HDAC1: variants seen among roughly 807,000 people sequenced by gnomAD.
HDAC1 encodes the protein protein deacetylase HDAC1.
In HDAC1, 18 loss-of-function variants were observed where a neutral mutation model predicts 65.5. That is an observed-to-expected ratio of 0.27 (90% CI 0.19 to 0.41). HDAC1 has a LOEUF of 0.41. HDAC1 is among the 10% of genes least tolerant of loss of function. HDAC1 has a pLI of 1.00. For missense variants in HDAC1, 373 were observed against 625.2 expected, an observed-to-expected ratio of 0.60 and a Z score of 4.30; for synonymous variants, 211 against 227.9, an observed-to-expected ratio of 0.93 and a Z score of 0.67.
At position 32,331,922 on chromosome 1, in the gene HDAC1, C is replaced by T. The variant is rs1237780488; in HGVS notation, c.1219+116C>T. On this transcript the variant is annotated intron_variant, in intron 11 of 13. Coordinates refer to ENST00000373548, the MANE Select transcript of HDAC1 (RefSeq NM_004964.3). The surrounding 1 kb of genome is among the most constrained non-coding windows in gnomAD (Gnocchi z 4.2). Reference sequence around the variant, plus strand: ...CCCCACCTGTAGAGAAATCTGTTTTCGAGTTCCAGTGCCTGTAGGAACAGG... The same window carrying T: ...CCCCACCTGTAGAGAAATCTGTTTTTGAGTTCCAGTGCCTGTAGGAACAGG... 12 of 1,442,442 alleles carry T rather than the reference C, an allele frequency of 8.3e-6. No individual in the cohort carries two copies. Among genetic ancestry groups the T allele is most frequent in the African/African-American group, 2.9e-5 (2 of 70,050 alleles). 89.4% of individuals were successfully genotyped at this position (1,442,442 alleles called of 1,614,324 possible).
chr1:32,326,800 G>A, intron 4 of HDAC1, 139 bp from the exon 5 acceptor site: 2 of 771,756 alleles, frequency 2.6e-6, no homozygotes, highest in East Asian at 2.6e-5. Context: ...TAGGGTGGGA[G>A]GGAGGGGACT....
At position 32,331,446 on chromosome 1, in the gene HDAC1, TGAC is replaced by T. The variant is rs758301084; in HGVS notation, c.980-26_980-24del. ...GTTAGGGTGCGGTGGCCAGGTCTCT[TGAC>T]GGTCTTCTCTCCTGCCCCAATCAGA... On this transcript the variant is annotated intron_variant, in intron 9 of 13. Coordinates refer to ENST00000373548, the MANE Select transcript of HDAC1 (RefSeq NM_004964.3). This position sits in a 1 kb window ranked among gnomAD's most constrained non-coding sequence, Gnocchi z 4.2. 5.1e-6 allele frequency: 7 copies of T among 1,369,000 alleles called. No homozygotes were observed. The highest frequency in any genetic ancestry group is 7.3e-6 in the Non-Finnish European group (7 of 956,570). 84.8% of individuals were successfully genotyped at this position (1,369,000 alleles called of 1,614,324 possible).
rs1557612848 is a variant in HDAC1, at chr1:32,330,548, GT to G, written c.730-28del. ...CCAAACCTCGTATTGCTTTCTTGAGGTTGGTGGTGACCAGGATGTATCATTT... is the reference window on the plus strand; with the variant it reads ...CCAAACCTCGTATTGCTTTCTTGAGGTGGTGGTGACCAGGATGTATCATTT... On this transcript the variant is annotated intron_variant, in intron 7 of 13. Coordinates refer to ENST00000373548, the MANE Select transcript of HDAC1 (RefSeq NM_004964.3). This position sits in a 1 kb window ranked among gnomAD's most constrained non-coding sequence, Gnocchi z 4.2. The G allele has an allele frequency of 6.7e-7, 1 of 1,487,626 alleles. No homozygotes were observed. The highest frequency in any genetic ancestry group is 2.3e-5 in the East Asian group (1 of 44,278). 92.2% of individuals were successfully genotyped at this position (1,487,626 alleles called of 1,614,324 possible).
chr1:32,323,131 T>C (rs1641170519), intron 3 of HDAC1, among the ~76,000 whole-genome samples: 1 of 151,906 alleles, frequency 6.6e-6, no homozygotes, highest in African/African-American at 2.4e-5. Context: ...TGAAACCCCG[T>C]CTCTACTAAG....
At chr1:32,326,658 T>A (rs75550929) in intron 4 of HDAC1, among the ~76,000 whole-genome samples, 6,994 of 147,968 alleles carry the variant, frequency 0.047, 379 homozygotes, top group African/African-American at 0.15. Context: ...ATTAAAAAAA[T>A]ATATATATAT....
Position 32,331,046 on chromosome 1 carries a change from CTT to C in HDAC1, c.979+139_979+140del. ...AGTCACTGAGTCTCCTGCCTGTCCT[CTT>C]GTGATCAGCAGACCATAACCATCAC... On this transcript the variant is annotated intron_variant, in intron 9 of 13. Coordinates refer to ENST00000373548, the MANE Select transcript of HDAC1 (RefSeq NM_004964.3). The surrounding 1 kb of genome is among the most constrained non-coding windows in gnomAD (Gnocchi z 4.2). The C allele has an allele frequency of 1.3e-6, 1 of 749,002 alleles. No individual in the cohort carries two copies. Among genetic ancestry groups the C allele is most frequent in the Non-Finnish European group, 2.2e-6 (1 of 444,974 alleles). 46.4% of individuals were successfully genotyped at this position (749,002 alleles called of 1,614,324 possible). A position where few individuals can be genotyped will look rare whatever the true frequency, so the allele number is the denominator to read the frequency against.
chr1:32,325,631 T>G (rs937880744), intron 4 of HDAC1, among the ~76,000 whole-genome samples: 2 of 152,260 alleles, frequency 1.3e-5, no homozygotes, highest in Non-Finnish European at 2.9e-5. Context: ...CTTGCTTTCT[T>G]GTGGCTCTAT....
At chr1:32,298,088 C>CA (rs1262361089) in intron 1 of HDAC1, among the ~76,000 whole-genome samples, 2 of 113,646 alleles carry the variant, frequency 1.8e-5, no homozygotes, top group African/African-American at 3.3e-5. Flanking sequence ...CGCGCCCGGC[C>CA]TTTTTTTTTT....
At chr1:32,321,730 A>AT (rs533376493) in intron 3 of HDAC1, among the ~76,000 whole-genome samples, 28 of 148,602 alleles carry the variant, frequency 1.9e-4, no homozygotes, top group East Asian at 3.9e-4. Context: ...GAAGAAAAAT[A>AT]TTTTTTTTTT....
At chr1:32,300,506 C>T (rs144033834) in intron 1 of HDAC1, among the ~76,000 whole-genome samples, 2 of 151,726 alleles carry the variant, frequency 1.3e-5, no homozygotes, top group East Asian at 1.9e-4. Flanking sequence ...ACTGAGCCGC[C>T]GAGATAGTAC....
intron 3 of HDAC1, among the ~76,000 whole-genome samples, chr1:32,320,959 A>G (rs904767074): frequency 6.6e-6 from 1 of 151,018 alleles, no homozygotes; most frequent in Non-Finnish European, 1.5e-5. Context: ...GACACACACA[A>G]AAAGCATCAA....
chr1:32,316,058 G>A (rs1202843296), intron 2 of HDAC1, among the ~76,000 whole-genome samples: 1 of 151,760 alleles, frequency 6.6e-6, no homozygotes, highest in Non-Finnish European at 1.5e-5. Context: ...CGAGGCGGGC[G>A]GATCACGAGG....
rs769401165 is a variant in HDAC1 at position 32,301,498 on chromosome 1, G to A, written c.50-1123G>A. ...AAGTCCTTGAATGCTGGCCAGGCGC[G>A]GTGGCTCACACCTGTAATCCCGGCA... On this transcript the variant is annotated intron_variant, in intron 1 of 13. Transcript: ENST00000373548. Among the ~76,000 whole-genome samples, 4 of 151,594 alleles carry A rather than the reference G, an allele frequency of 2.6e-5. 1 individual carries two copies. The highest frequency in any genetic ancestry group is 1.3e-4 in the Admixed American group (2 of 15,184).
Position 32,330,492 on chromosome 1 carries a change from G to A in HDAC1, c.730-86G>A, listed in dbSNP as rs1278441068. 4 of 869,142 alleles carry A rather than the reference G, an allele frequency of 4.6e-6. No individual in the cohort carries two copies. The highest frequency in any genetic ancestry group is 3.4e-5 in the Admixed American group (2 of 58,100). The allele number at this position is 869,142 out of a possible 1,614,324, so 53.8% of individuals were successfully genotyped here. On this transcript the variant is annotated intron_variant, in intron 7 of 13. Coordinates refer to ENST00000373548, the MANE Select transcript of HDAC1 (RefSeq NM_004964.3). This position sits in a 1 kb window ranked among gnomAD's most constrained non-coding sequence, Gnocchi z 4.2. ...AGGGAGAGTGGAAAGGTAGGAGTGGGTGGGAAAGTGTTGCACCCAGCCTTT... is the reference window on the plus strand; with the variant it reads ...AGGGAGAGTGGAAAGGTAGGAGTGGATGGGAAAGTGTTGCACCCAGCCTTT...
chr1:32,301,804 A>G (rs1324496518), intron 1 of HDAC1, among the ~76,000 whole-genome samples: 1 of 152,166 alleles, frequency 6.6e-6, no homozygotes, highest in Non-Finnish European at 1.5e-5. Flanking sequence ...AGTCTTCTGA[A>G]GTTATTATTA....
chr1:32,297,410 G>T (rs1005496799), intron 1 of HDAC1, among the ~76,000 whole-genome samples: 17 of 152,104 alleles, frequency 1.1e-4, no homozygotes, highest in Admixed American at 8.5e-4. Context: ...TAAGCTGGGT[G>T]TGGTGGCACT....
chr1:32,321,888 C>T (rs183480146), intron 3 of HDAC1, among the ~76,000 whole-genome samples: 35 of 152,178 alleles, frequency 2.3e-4, no homozygotes, highest in African/African-American at 7.0e-4. Flanking sequence ...GATAAACAGC[C>T]GGGGCCCAGG....
intron 2 of HDAC1, among the ~76,000 whole-genome samples, chr1:32,307,114 G>A (rs1390280944): frequency 6.6e-6 from 1 of 152,108 alleles, no homozygotes; most frequent in Non-Finnish European, 1.5e-5. Context: ...ACGTGGTGGT[G>A]CATACCTGTA....
chr1:32,316,127 A>G (rs1220929898), intron 2 of HDAC1, among the ~76,000 whole-genome samples: 2 of 151,292 alleles, frequency 1.3e-5, no homozygotes, highest in Middle Eastern at 3.4e-3. Flanking sequence ...CTAAAAATAC[A>G]AAAAAAATTA....
Sources: allele counts gnomAD v4.1 joint callset (sites outside exome capture counted in the v4.1 genomes callset), GRCh38; gene constraint gnomAD v4.1.1; non-coding constraint Gnocchi (gnomAD v3.1); transcripts MANE v1.5; gene names NCBI Gene and HGNC (gene_info 2026-07-23, HGNC 2026-07-21).